The following OSBPL10 variants were observed in gnomAD, a reference collection of about 807,000 sequenced individuals.
OSBPL10 encodes the protein oxysterol binding protein like 10.
In OSBPL10, 49 loss-of-function variants were observed where a neutral mutation model predicts 81.7. That is an observed-to-expected ratio of 0.60 (90% CI 0.48 to 0.76). The LOEUF is 0.76. OSBPL10 is among the 30% of genes least tolerant of loss of function. The pLI, the probability that OSBPL10 is intolerant of heterozygous loss-of-function variation, is 0.00. For missense variants in OSBPL10, 923 were observed against 987.8 expected, an observed-to-expected ratio of 0.93 and a Z score of 0.88; for synonymous variants, 419 against 383.6, an observed-to-expected ratio of 1.09 and a Z score of -1.08.
intron 2 of OSBPL10, among the ~76,000 whole-genome samples, chr3:32,026,011 CATAGATAGATAG>C (rs10662309): frequency 1.2e-4 from 15 of 128,364 alleles, no homozygotes; most frequent in Admixed American, 3.2e-4. Context: ...TATATACAGA[CATAGATAGATAG>C]ATAGATAGAT....
chr3:31,842,717 G>A (rs146139892), intron 3 of OSBPL10, among the ~76,000 whole-genome samples: 12 of 152,208 alleles, frequency 7.9e-5, no homozygotes, highest in Admixed American at 3.3e-4. Flanking sequence ...TTTTTTAAGA[G>A]TTTCATCTTG....
At chr3:31,933,095 A>T (rs1282685977) in intron 1 of OSBPL10, among the ~76,000 whole-genome samples, 1 of 152,224 alleles carries the variant, frequency 6.6e-6, no homozygotes, top group Non-Finnish European at 1.5e-5. Flanking sequence ...TAAAGATTTT[A>T]CTGCAGGTTG....
intron 4 of OSBPL10, among the ~76,000 whole-genome samples, chr3:31,785,622 G>A (rs985205682): frequency 5.3e-5 from 8 of 151,900 alleles, no homozygotes; most frequent in African/African-American, 4.8e-5. Context: ...ACAAACCACC[G>A]ACCTCTCTGA....
chr3:31,681,243 C>A (rs2125541533), intron 8 of OSBPL10, among the ~76,000 whole-genome samples: 1 of 152,264 alleles, frequency 6.6e-6, no homozygotes, highest in Non-Finnish European at 1.5e-5. Flanking sequence ...GACCTGCATG[C>A]AAGGAAGACC....
intron 1 of OSBPL10, chr3:31,969,610 G>T (rs999712707): frequency 6.6e-6 from 1 of 152,252 alleles, no homozygotes; most frequent in Non-Finnish European, 1.5e-5. Flanking sequence ...CACGTAATGA[G>T]GTCGGATTAC....
chr3:31,844,838 C>T (rs7636037), intron 3 of OSBPL10, among the ~76,000 whole-genome samples: 5,234 of 152,270 alleles, frequency 0.034, 177 homozygotes, highest in South Asian at 0.092. Context: ...CTTTGGGAGG[C>T]CAAGGCAGGA....
Position 31,976,022 on chromosome 3 carries a change from G to A in OSBPL10, c.281+4877C>T, listed in dbSNP as rs533479275. 2.0e-5 allele frequency among the ~76,000 whole-genome samples: 3 copies of A among 152,296 alleles called. No homozygotes were observed. The East Asian group carries it at 5.8e-4, about 29-fold the overall frequency. ...TAGGAAAGGAAGATAGGATTTAGAG[G>A]CTGGGAAGGGGAGCTGTAAATGTTT... On this transcript the variant is annotated intron_variant, in intron 1 of 11. Coordinates refer to ENST00000396556, the MANE Select transcript of OSBPL10 (RefSeq NM_017784.5).
intron 1 of OSBPL10, among the ~76,000 whole-genome samples, chr3:31,885,914 G>A (rs934801359): frequency 3.5e-5 from 5 of 143,636 alleles, no homozygotes; most frequent in Non-Finnish European, 7.5e-5. Flanking sequence ...AGAATCGCTT[G>A]AACCCAGGAT....
At chr3:31,679,657 T>C (rs1017344782) in intron 8 of OSBPL10, among the ~76,000 whole-genome samples, 2 of 152,220 alleles carry the variant, frequency 1.3e-5, no homozygotes, top group African/African-American at 4.8e-5. Context: ...CTTCAAAATA[T>C]TTATTATGTG....
At chr3:31,734,302 C>T (rs1697080140) in intron 5 of OSBPL10, among the ~76,000 whole-genome samples, 1 of 152,178 alleles carries the variant, frequency 6.6e-6, no homozygotes, top group Non-Finnish European at 1.5e-5. Context: ...CCACCAACTC[C>T]CTTCGGGGGA....
chr3:31,789,028 G>T (rs1698938213), intron 4 of OSBPL10, among the ~76,000 whole-genome samples: 1 of 151,896 alleles, frequency 6.6e-6, no homozygotes, highest in Non-Finnish European at 1.5e-5. Flanking sequence ...ACCCAGGCTG[G>T]AGTGCGGTGG....
intron 1 of OSBPL10, among the ~76,000 whole-genome samples, chr3:32,057,009 T>C (rs1699717731): frequency 6.6e-6 from 1 of 152,230 alleles, no homozygotes. Flanking sequence ...CTAATTATAA[T>C]GCATTAGCAT....
chr3:31,779,633 C>T (rs1352020778), intron 4 of OSBPL10, among the ~76,000 whole-genome samples: 1 of 152,170 alleles, frequency 6.6e-6, no homozygotes, highest in Non-Finnish European at 1.5e-5. Context: ...ACTGACAGCA[C>T]TAGACAGGTC....
intron 1 of OSBPL10, among the ~76,000 whole-genome samples, chr3:31,954,257 G>C (rs1212533939): frequency 6.6e-6 from 1 of 152,166 alleles, no homozygotes; most frequent in African/African-American, 2.4e-5. Flanking sequence ...CCTGGAGGAG[G>C]TACTGAATTA....
At chr3:31,772,043 TA>T (rs1698397336) in intron 4 of OSBPL10, among the ~76,000 whole-genome samples, 1 of 152,192 alleles carries the variant, frequency 6.6e-6, no homozygotes, top group Non-Finnish European at 1.5e-5. Context: ...AGATTTTTTT[TA>T]AGTCACCAAA....
chr3:31,756,086 C>T (rs192351503), intron 4 of OSBPL10, among the ~76,000 whole-genome samples: 180 of 152,272 alleles, frequency 1.2e-3, no homozygotes, highest in Non-Finnish European at 1.9e-3. Flanking sequence ...ACGGGTCTGT[C>T]AAGTCTGCTT....
chr3:31,703,969 CAG>C (rs1391471119), intron 6 of OSBPL10: 23 of 152,210 alleles, frequency 1.5e-4, no homozygotes, highest in African/African-American at 5.3e-4. Flanking sequence ...GAGGAAGAGC[CAG>C]AGAGGGAAGT....
At chr3:31,704,185 CT>C (rs1030385960) in intron 6 of OSBPL10, 23 of 152,410 alleles carry the variant, frequency 1.5e-4, no homozygotes, top group African/African-American at 5.1e-4. Context: ...CAGGGCCTCC[CT>C]TCTACTGGCC....
intron 1 of OSBPL10, among the ~76,000 whole-genome samples, chr3:31,952,544 A>G (rs147201710): frequency 6.6e-5 from 10 of 152,294 alleles, no homozygotes; most frequent in Admixed American, 6.5e-4. Context: ...TCCCCACTGT[A>G]CCTTCAGGCA....
Sources: allele counts gnomAD v4.1 joint callset (sites outside exome capture counted in the v4.1 genomes callset), GRCh38; gene constraint gnomAD v4.1.1; transcripts MANE v1.5; gene names NCBI Gene and HGNC (gene_info 2026-07-23, HGNC 2026-07-21).